Variants in SCN2A observed in about 807,000 individuals in gnomAD.
SCN2A encodes sodium voltage-gated channel alpha subunit 2, also known as sodium channel protein type 2 subunit alpha.
In SCN2A, 20 loss-of-function variants were observed where a neutral mutation model predicts 188.7. The ratio of observed to expected loss-of-function variants is 0.11; its 90% CI spans 0.07 to 0.15. SCN2A has a LOEUF of 0.15. Ranked by LOEUF, SCN2A falls within the 10% of genes least tolerant of loss-of-function variation. The pLI is 1.00. For missense variants in SCN2A, 1,278 were observed against 2,445.0 expected (o/e 0.52, Z 10.07); for synonymous variants, 804 against 833.1 (o/e 0.97, Z 0.60).
chr2:165,328,532 A>G, intron 13 of SCN2A: 4 of 984,702 alleles, frequency 4.1e-6, no homozygotes, highest in Non-Finnish European at 4.8e-6. Context: ...GTAGAGAAGG[A>G]GACAGGGTAA....
chr2:165,377,932 T>C lies in SCN2A; in HGVS notation c.4308+282T>C, dbSNP rs76286600. Among the ~76,000 whole-genome samples, 1,684 of 151,994 alleles carry C rather than the reference T, an allele frequency of 0.011. 14 individuals carry two copies. The highest frequency in any genetic ancestry group is 0.016 in the Non-Finnish European group (1,068 of 67,856). On this transcript the variant is annotated intron_variant, in intron 23 of 26. Coordinates refer to ENST00000375437, the MANE Select transcript of SCN2A (RefSeq NM_001040142.2). The stretch of plus-strand genomic sequence containing the variant: ...ATTTTCAAAATGAGACATTTTATTT[T>C]TGGCTCTGATAGTCCTGGTCATTTG...
At chr2:165,383,073 T>G (rs1701687639) in intron 25 of SCN2A, among the ~76,000 whole-genome samples, 1 of 152,164 alleles carries the variant, frequency 6.6e-6, no homozygotes, top group Non-Finnish European at 1.5e-5. Context: ...AAAATCCATT[T>G]ATTCCTGCAT....
chr2:165,242,947 T>G (rs192503585), intron 1 of SCN2A, among the ~76,000 whole-genome samples: 1 of 152,224 alleles, frequency 6.6e-6, no homozygotes, highest in African/African-American at 2.4e-5. Context: ...AATCAGTTTG[T>G]TCCTCAGTAA....
intron 17 of SCN2A, among the ~76,000 whole-genome samples, chr2:165,355,809 C>A (rs959826698): frequency 3.3e-5 from 5 of 151,874 alleles, no homozygotes; most frequent in African/African-American, 9.7e-5. Flanking sequence ...CCAGCGTGGC[C>A]AACATGGTGA....
At chr2:165,361,586 T>C (rs914601444) in intron 17 of SCN2A, among the ~76,000 whole-genome samples, 2 of 152,030 alleles carry the variant, frequency 1.3e-5, no homozygotes, top group African/African-American at 4.8e-5. Context: ...TAAGGATCAA[T>C]GTGCTGCCTA....
At position 165,354,570 on chromosome 2, in the gene SCN2A, A is replaced by C; in HGVS notation, c.3298A>C (p.Ser1100Arg). 6.2e-7 allele frequency: 1 copy of C among 1,614,134 alleles called. No homozygotes were observed. The highest frequency in any genetic ancestry group is 1.7e-4 in the Middle Eastern group (1 of 6,060). ...SDYMSFINNP[S>R]LTVTVPIAVG... ...TTACATGTCATTTATAAACAACCCT[A>C]GCCTCACTGTGACAGTACCAATTGC... Residue 1100 changes from serine (S) to arginine (R), a missense_variant, in exon 17 of 27, where the codon AGC (serine) becomes CGC (arginine). This residue lies in a region of SCN2A where 228 missense variants were observed against 297.3 expected (regional missense o/e 0.77). Coordinates refer to ENST00000375437, the MANE Select transcript of SCN2A (RefSeq NM_001040142.2).
In SCN2A at chr2:165,388,879, C is replaced by A; in HGVS notation, c.5073C>A (p.Ile1691=). The change falls in exon 27 of 27, where the codon ATC becomes ATA. Residue 1691 remains isoleucine, a synonymous_variant. Transcript: ENST00000375437. ...CCTATGTTAAGAGGGAAGTTGGGAT[C>A]GATGACATGTTCAACTTTGAGACCT... ...NFAYVKREVG[I]DDMFNFETFG... 1 of 1,614,016 alleles carries A rather than the reference C, an allele frequency of 6.2e-7. No individual in the cohort carries two copies. The highest frequency in any genetic ancestry group is 8.5e-7 in the Non-Finnish European group (1 of 1,179,980).
intron 1 of SCN2A, among the ~76,000 whole-genome samples, chr2:165,287,013 T>C (rs1464727879): frequency 6.6e-6 from 1 of 152,152 alleles, no homozygotes; most frequent in African/African-American, 2.4e-5. Context: ...CTTGCCTCGT[T>C]GGAGGAAAGA....
intron 23 of SCN2A, among the ~76,000 whole-genome samples, chr2:165,378,989 C>A (rs1194866943): frequency 6.6e-6 from 1 of 151,656 alleles, no homozygotes; most frequent in Non-Finnish European, 1.5e-5. Flanking sequence ...TAAGAACACT[C>A]GTACAATGCT....
Position 165,296,046 on chromosome 2 carries a change from T to G in SCN2A, c.223T>G (p.Ser75Ala). 2 of 1,614,078 alleles carry G rather than the reference T, an allele frequency of 1.2e-6. 1 individual carries two copies. The highest frequency in any genetic ancestry group is 2.2e-5 in the South Asian group (2 of 91,082). The change falls in exon 2 of 27, where the codon TCA becomes GCA. Residue 75 changes from serine (S) to alanine (A), a missense_variant. Ser to Ala is a moderately conservative substitution (Grantham distance 99, BLOSUM62 1). This residue lies in a region of SCN2A where 141 missense variants were observed against 185.4 expected (regional missense o/e 0.76). Coordinates refer to ENST00000375437, the MANE Select transcript of SCN2A (RefSeq NM_001040142.2). ...IYGDIPPEMV[S>A]VPLEDLDPYY... ...TGGAGACATTCCTCCAGAGATGGTG[T>G]CAGTGCCCCTGGAGGATCTGGACCC...
At chr2:165,309,075 G>A (rs555740855) in intron 5 of SCN2A, 62 of 1,378,428 alleles carry the variant, frequency 4.5e-5, no homozygotes, top group Non-Finnish European at 5.4e-5. Flanking sequence ...AGCTGATGGC[G>A]ACACTCATGA....
At chr2:165,356,433 T>G (rs544146986) in intron 17 of SCN2A, among the ~76,000 whole-genome samples, 1 of 152,318 alleles carries the variant, frequency 6.6e-6, no homozygotes, top group Non-Finnish European at 1.5e-5. Context: ...TACAGTGTAC[T>G]GCTCTTATAG....
chr2:165,274,445 C>T (rs551004517), intron 1 of SCN2A: 2 of 151,468 alleles, frequency 1.3e-5, no homozygotes, highest in East Asian at 3.9e-4. Context: ...GTTATTTGTT[C>T]TCTGTAATGT....
Position 165,338,408 on chromosome 2 carries a change from A to G in SCN2A, c.2389-3888A>G, listed in dbSNP as rs532856893. Among the ~76,000 whole-genome samples, 79 of 151,868 alleles carry G rather than the reference A, an allele frequency of 5.2e-4. 1 individual carries two copies. Among genetic ancestry groups the G allele is most frequent in the Non-Finnish European group, 9.7e-4 (66 of 67,940 alleles). On this transcript the variant is annotated intron_variant, in intron 14 of 26. Transcript: ENST00000375437. ...CCGAGTAGCTGGGACTACATGCACC[A>G]GCCACCAAGCCTGGCTAATTTTGTT... is the stretch of plus-strand genomic sequence containing the variant.
chr2:165,329,226 G>C (rs1463522172), intron 13 of SCN2A, among the ~76,000 whole-genome samples: 1 of 152,046 alleles, frequency 6.6e-6, no homozygotes, highest in East Asian at 1.9e-4. Context: ...AGCAGTAGTG[G>C]ATAAGCAAAA....
chr2:165,270,020 T>G (rs1559328023), intron 1 of SCN2A: 1 of 152,042 alleles, frequency 6.6e-6, no homozygotes, highest in African/African-American at 2.4e-5. Context: ...GTGGTGAATT[T>G]AATCTCCTCT....
intron 17 of SCN2A, among the ~76,000 whole-genome samples, chr2:165,360,076 T>C (rs1262559381): frequency 6.6e-6 from 1 of 151,974 alleles, no homozygotes; most frequent in African/African-American, 2.4e-5. Context: ...AGTTTTCTCT[T>C]TTTTAAGTGC....
intron 1 of SCN2A, among the ~76,000 whole-genome samples, chr2:165,252,380 G>A (rs1694133683): frequency 6.6e-6 from 1 of 151,912 alleles, no homozygotes; most frequent in Non-Finnish European, 1.5e-5. Context: ...CTATCCTCAT[G>A]TTCAGTTATC....
intron 1 of SCN2A, among the ~76,000 whole-genome samples, chr2:165,250,651 A>C (rs1468051245): frequency 6.6e-6 from 1 of 151,990 alleles, no homozygotes; most frequent in Non-Finnish European, 1.5e-5. Context: ...ATGTACACAC[A>C]CATATACACA....
Sources: allele counts gnomAD v4.1 joint callset (sites outside exome capture counted in the v4.1 genomes callset), GRCh38; gene constraint gnomAD v4.1.1; regional missense constraint gnomAD v4.1.1; transcripts MANE v1.5; gene names NCBI Gene and HGNC (gene_info 2026-07-23, HGNC 2026-07-21).